BCAM: variants seen among roughly 807,000 people sequenced by gnomAD.
The protein encoded by BCAM is basal cell adhesion molecule (Lutheran blood group).
BCAM carries 61 observed loss-of-function variants against 72.4 expected under a neutral mutation model. The observed-to-expected ratio is 0.84, with a 90% CI of 0.69 to 1.04. The LOEUF (loss-of-function observed/expected upper bound fraction) is 1.04. Among genes scored for constraint, BCAM ranks in the 50% least tolerant of loss-of-function variants. The pLI is 0.00. For missense variants in BCAM, 909 were observed against 895.0 expected, an observed-to-expected ratio of 1.02 and a Z score of -0.20; for synonymous variants, 408 against 384.2, an observed-to-expected ratio of 1.06 and a Z score of -0.73.
intron 8 of BCAM, among the ~76,000 whole-genome samples, chr19:44,815,246 T>A (rs1398615337): frequency 6.6e-6 from 1 of 152,180 alleles, no homozygotes; most frequent in East Asian, 1.9e-4. Context: ...CTACCTTCAC[T>A]GCCCATCCTT....
chr19:44,817,247 T>G lies in BCAM; in HGVS notation c.1079-1275T>G, dbSNP rs74907449. Among the ~76,000 whole-genome samples, 1,103 of 151,878 alleles carry G rather than the reference T, an allele frequency of 7.3e-3. 8 individuals are homozygous for G. The highest frequency in any genetic ancestry group is 0.034 in the East Asian group (173 of 5,148). ...GCCAAACTCTCTCAAAAAAAAATAA[T>G]AAGAAGAAGAAATGCAGAGAGCTAC... On this transcript the variant is annotated intron_variant, in intron 8 of 14. Coordinates refer to ENST00000270233, the MANE Select transcript of BCAM (RefSeq NM_005581.5).
chr19:44,820,144 T>C (rs1599890418), intron 13 of BCAM: 1 of 1,004,556 alleles, frequency 1.0e-6, no homozygotes, highest in Non-Finnish European at 1.2e-6. Context: ...TAAGCTCCTC[T>C]CCAGCCCTGG....
Position 44,809,760 on chromosome 19 carries a change from G to A in BCAM, c.82+554G>A, listed in dbSNP as rs10426086. Among the ~76,000 whole-genome samples the A allele has an allele frequency of 8.1e-3, 1,225 of 152,060 alleles. 14 individuals are homozygous for A. Among genetic ancestry groups the A allele is most frequent in the African/African-American group, 0.027 (1,121 of 41,474 alleles). ...AGGAAAGGGCTGGAGCACCAGCCCC[G>A]GGCAGTGACAGTGGAACAAAGTGTT... On this transcript the variant is annotated intron_variant, in intron 1 of 14. Transcript: ENST00000270233.
In BCAM at chr19:44,812,508, A is replaced by G. The variant is rs1290350034; in HGVS notation, c.464A>G (p.Asn155Ser). 6.2e-7 allele frequency: 1 copy of G among 1,614,220 alleles called. No homozygotes were observed. Among genetic ancestry groups the G allele is most frequent in the East Asian group, 2.2e-5 (1 of 44,888 alleles). ...AKPEATEVSP[N>S]KGTLSVMEDS... ...CCAGAGGCCACTGAGGTCTCCCCCA[A>G]CAAAGGGACACTGTCTGTGATGGAG... is the stretch of plus-strand genomic sequence containing the variant. The change falls in exon 4 of 15, where the codon AAC becomes AGC. Residue 155 changes from asparagine (N) to serine (S), a missense_variant. Physicochemically the swap from Asn to Ser is conservative, Grantham distance 46. Transcript: ENST00000270233. This position sits in a 1 kb window ranked among gnomAD's most constrained non-coding sequence, Gnocchi z 5.3.
rs1968471857 is a variant in BCAM at position 44,814,225 on chromosome 19, T to C, written c.858T>C (p.Thr286=). The change falls in exon 7 of 15, where the codon ACT becomes ACC. Residue 286 remains threonine (T), a synonymous_variant. Transcript: ENST00000270233. The surrounding 1 kb of genome is among the most constrained non-coding windows in gnomAD (Gnocchi z 4.6). ...TPAGWVREGD[T]VQLLCRGDGS... ...CAGGCTGGGTACGCGAGGGTGACAC[T>C]GTCCAGCTGCTCTGCCGGGGGGACG... is the stretch of plus-strand genomic sequence containing the variant. The C allele has an allele frequency of 1.9e-6, 3 of 1,585,774 alleles. No homozygotes were observed. Among genetic ancestry groups the C allele is most frequent in the African/African-American group, 1.4e-5 (1 of 73,474 alleles).
chr19:44,819,715 G>A lies in BCAM; in HGVS notation c.1752G>A (p.Glu584=), dbSNP rs2122569659. Residue 584 remains glutamate, a synonymous_variant, in exon 13 of 15, where the codon GAG becomes GAA. Coordinates refer to ENST00000270233, the MANE Select transcript of BCAM (RefSeq NM_005581.5). ...GCCCCTGCTGCCGCCAGCGGCGGGA[G>A]AAGGGGGCTCCGTGAGTGGCCTGCT... The part of the protein sequence containing the change: ...KGGPCCRQRR[E]KGAPPPGEPG... The A allele has an allele frequency of 6.2e-7, 1 of 1,603,832 alleles. No individual in the cohort carries two copies. Among genetic ancestry groups the A allele is most frequent in the Non-Finnish European group, 8.5e-7 (1 of 1,176,174 alleles).
chr19:44,811,400 G>T, intron 2 of BCAM, 54 bp downstream of exon 2: 2 of 1,607,466 alleles, frequency 1.2e-6, no homozygotes, highest in Non-Finnish European at 1.7e-6. Context: ...GGCAGCAAAG[G>T]TTCATTCTCT....
At position 44,818,803 on chromosome 19, in the gene BCAM, T is replaced by C. The variant is rs1408638355; in HGVS notation, c.1257T>C (p.Asn419=). The C allele has an allele frequency of 6.2e-7, 1 of 1,613,954 alleles. No homozygotes were observed. Among genetic ancestry groups the C allele is most frequent in the East Asian group, 2.2e-5 (1 of 44,880 alleles). ...LSLSSITFDS[N]GTYVCEASLP... ...TCAGTTCTATCACCTTCGATTCCAA[T>C]GGCACCTACGTATGTGAGGCCTCCC... Residue 419 remains asparagine, a synonymous_variant, in exon 10 of 15, where the codon AAT becomes AAC. Coordinates refer to ENST00000270233, the MANE Select transcript of BCAM (RefSeq NM_005581.5). This position sits in a 1 kb window ranked among gnomAD's most constrained non-coding sequence, Gnocchi z 4.6.
chr19:44,816,081 G>A (rs1020560846), intron 8 of BCAM, among the ~76,000 whole-genome samples: 4 of 152,138 alleles, frequency 2.6e-5, no homozygotes, highest in African/African-American at 9.7e-5. Flanking sequence ...ACTTTGGGAG[G>A]CCGAGGTGGG....
intron 12 of BCAM, 26 bp from the exon 13 acceptor site, chr19:44,819,556 C>T (rs28399632): frequency 8.0e-5 from 129 of 1,611,926 alleles, no homozygotes; most frequent in Non-Finnish European, 9.9e-5. Flanking sequence ...GCCTGACCCA[C>T]GCCTCTCTCC....
In BCAM at chr19:44,819,677, A is replaced by G. The variant is rs766250942; in HGVS notation, c.1714A>G (p.Arg572Gly). 6.2e-7 allele frequency: 1 copy of G among 1,613,086 alleles called. No individual in the cohort carries two copies. Among genetic ancestry groups the G allele is most frequent in the Non-Finnish European group, 8.5e-7 (1 of 1,179,512 alleles). Residue 572 changes from arginine (R) to glycine (G), a missense_variant, in exon 13 of 15, where the codon AGA (arginine) becomes GGA (glycine). Physicochemically the swap from Arg to Gly is moderately radical, Grantham distance 125. Transcript: ENST00000270233. ...CGTCGTTGCTGTCTTCTACTGCGTG[A>G]GACGCAAAGGGGGCCCCTGCTGCCG... ...LLVVAVFYCV[R>G]RKGGPCCRQR...
In BCAM at chr19:44,813,544, C is replaced by T. The variant is rs1052078113; in HGVS notation, c.708C>T (p.His236=). The stretch of plus-strand genomic sequence containing the variant: ...AGGATGACCGAGACGCCAGCTTCCA[C>T]TGCGCCGCCCACTACAGCCTGCCCG... ...LRKDDRDASF[H]CAAHYSLPEG... Residue 236 remains histidine, a synonymous_variant, in exon 6 of 15, where the codon CAC becomes CAT. Coordinates refer to ENST00000270233, the MANE Select transcript of BCAM (RefSeq NM_005581.5). The surrounding 1 kb of genome is among the most constrained non-coding windows in gnomAD (Gnocchi z 4.2). 6 of 1,612,774 alleles carry T rather than the reference C, an allele frequency of 3.7e-6. No homozygotes were observed. The highest frequency in any genetic ancestry group is 4.2e-6 in the Non-Finnish European group (5 of 1,179,942).
intron 2 of BCAM, chr19:44,811,918 G>A (rs945238714): frequency 1.8e-6 from 1 of 563,182 alleles, no homozygotes; most frequent in East Asian, 3.1e-5. Context: ...GAGACAATCG[G>A]GAGAGGGAGA....
Position 44,818,399 on chromosome 19 carries a change from G to A in BCAM, c.1079-123G>A. ...TTCATGGAGATGGGGTAAACCAGGA[G>A]GATTACTTGCTGTTCTCTGCTTCCA... is the stretch of plus-strand genomic sequence containing the variant. On this transcript the variant is annotated intron_variant, in intron 8 of 14. Transcript: ENST00000270233. The surrounding 1 kb of genome is among the most constrained non-coding windows in gnomAD (Gnocchi z 4.6). 1 of 703,068 alleles carries A rather than the reference G, an allele frequency of 1.4e-6. No individual in the cohort carries two copies. The highest frequency in any genetic ancestry group is 2.4e-6 in the Non-Finnish European group (1 of 410,912). The allele number at this position is 703,068 out of a possible 1,614,324, so 43.6% of individuals were successfully genotyped here.
Position 44,811,231 on chromosome 19 carries a change from A to G in BCAM, c.89A>G (p.Gln30Arg). 6.2e-7 allele frequency: 1 copy of G among 1,612,164 alleles called. No individual in the cohort carries two copies. ...CTCAGTTGCTCTCTTGCAGATGCCC[A>G]GGCGGAGGTGCGCTTGTCTGTACCC... Reference protein sequence around the residue: ...AVLLAAHPDAQAEVRLSVPPL... With the variant: ...AVLLAAHPDARAEVRLSVPPL... Residue 30 changes from glutamine (Q) to arginine (R), a missense_variant, in exon 2 of 15, where the codon CAG (glutamine) becomes CGG (arginine). Coordinates refer to ENST00000270233, the MANE Select transcript of BCAM (RefSeq NM_005581.5).
intron 8 of BCAM, among the ~76,000 whole-genome samples, chr19:44,817,778 A>G (rs1056373832): frequency 2.6e-5 from 4 of 152,140 alleles, no homozygotes; most frequent in African/African-American, 9.7e-5. Flanking sequence ...TCCTGACATC[A>G]GGTGATGCAC....
In BCAM at chr19:44,813,207, A is replaced by G. The variant is rs997561777; in HGVS notation, c.505-43A>G. 5.6e-6 allele frequency: 9 copies of G among 1,603,136 alleles called. No individual in the cohort carries two copies. Among genetic ancestry groups the G allele is most frequent in the Middle Eastern group, 1.7e-4 (1 of 5,992 alleles). ...CCTGAGAGAGGAGCCCCGACTTCAG[A>G]GTCCCAGCTCCAAGCCCAGGGCCAT... On this transcript the variant is annotated intron_variant, in intron 4 of 14. Transcript: ENST00000270233. The surrounding 1 kb of genome is among the most constrained non-coding windows in gnomAD (Gnocchi z 4.2).
rs780365900 is a variant in BCAM, at chr19:44,819,718, G to T, written c.1755G>T (p.Lys585Asn). The T allele has an allele frequency of 6.2e-7, 1 of 1,602,950 alleles. No individual in the cohort carries two copies. The highest frequency in any genetic ancestry group is 1.7e-5 in the Admixed American group (1 of 57,426). Reference sequence around the variant, plus strand: ...CCTGCTGCCGCCAGCGGCGGGAGAAGGGGGCTCCGTGAGTGGCCTGCTATC... The same window carrying T: ...CCTGCTGCCGCCAGCGGCGGGAGAATGGGGCTCCGTGAGTGGCCTGCTATC... Reference protein sequence around the residue: ...GGPCCRQRREKGAPPPGEPGL... With the variant: ...GGPCCRQRRENGAPPPGEPGL... The change falls in exon 13 of 15, where the codon AAG (lysine) becomes AAT (asparagine). Residue 585 changes from lysine (K) to asparagine (N), a missense_variant. Coordinates refer to ENST00000270233, the MANE Select transcript of BCAM (RefSeq NM_005581.5).
chr19:44,812,981 AAAAG>A lies in BCAM; in HGVS notation c.505-264_505-261del, dbSNP rs1043891624. 1.5e-4 allele frequency: 72 copies of A among 483,388 alleles called. No individual in the cohort carries two copies. Among genetic ancestry groups the A allele is most frequent in the Non-Finnish European group, 3.6e-5 (10 of 276,488 alleles). 29.9% of individuals were successfully genotyped at this position (483,388 alleles called of 1,614,324 possible). On this transcript the variant is annotated intron_variant, in intron 4 of 14. Coordinates refer to ENST00000270233, the MANE Select transcript of BCAM (RefSeq NM_005581.5). The surrounding 1 kb of genome is among the most constrained non-coding windows in gnomAD (Gnocchi z 5.3). ...AAAAAAAAAAAGAAGAAGAAAAGAA[AAAAG>A]AAAGGAAGGGCAGAGGGGGAAGACT...
Sources: allele counts gnomAD v4.1 joint callset (sites outside exome capture counted in the v4.1 genomes callset), GRCh38; gene constraint gnomAD v4.1.1; non-coding constraint Gnocchi (gnomAD v3.1); transcripts MANE v1.5; gene names NCBI Gene and HGNC (gene_info 2026-07-23, HGNC 2026-07-21).